VWF: variants seen among roughly 807,000 people sequenced by gnomAD.
The protein encoded by VWF is von Willebrand factor.
A neutral mutation model predicts 308.6 loss-of-function variants in VWF; 176 were observed. The ratio of observed to expected loss-of-function variants is 0.57; its 90% confidence interval spans 0.50 to 0.65. The LOEUF is 0.65. Ranked by LOEUF, VWF falls within the 30% of genes least tolerant of loss-of-function variation. VWF has a pLI of 0.00. For missense variants in VWF, 3,146 were observed against 3,648.2 expected (o/e 0.86, Z 3.55); for synonymous variants, 1,385 against 1,443.4 (o/e 0.96, Z 0.92).
At chr12:6,085,899 T>A (rs1944965743) in intron 6 of VWF, among the ~76,000 whole-genome samples, 2 of 152,056 alleles carry the variant, frequency 1.3e-5, no homozygotes, top group Non-Finnish European at 2.9e-5. Flanking sequence ...AAGTAAAATT[T>A]TAAAAAAAAA....
intron 25 of VWF, among the ~76,000 whole-genome samples, 163 bp from the exon 26 acceptor site, chr12:6,023,061 C>T (rs1313812236): frequency 1.3e-5 from 2 of 151,012 alleles, no homozygotes; most frequent in Admixed American, 1.3e-4. Context: ...GCACCTAAAC[C>T]AGAATCTATT....
rs940606021 is a variant in VWF, at chr12:6,063,258, C to A, written c.1433-204G>T. 1.3e-5 allele frequency among the ~76,000 whole-genome samples: 2 copies of A among 152,064 alleles called. No homozygotes were observed. Among genetic ancestry groups the A allele is most frequent in the Non-Finnish European group, 2.9e-5 (2 of 68,018 alleles). ...AGGTGGACAGAGCGCAAATAGGGTC[C>A]CCCAGGAAGAAGCCTCTGCACCCCC... On this transcript the variant is annotated intron_variant, in intron 12 of 51. Coordinates refer to ENST00000261405, the MANE Select transcript of VWF (RefSeq NM_000552.5). The surrounding 1 kb of genome is among the most constrained non-coding windows in gnomAD (Gnocchi z 4.9).
At chr12:6,012,357 A>G (rs1340071118) in intron 32 of VWF, among the ~76,000 whole-genome samples, 2 of 152,244 alleles carry the variant, frequency 1.3e-5, no homozygotes, top group African/African-American at 2.4e-5. Context: ...TGCCAACAAC[A>G]GCGATAATAT....
intron 6 of VWF, among the ~76,000 whole-genome samples, chr12:6,077,208 G>T (rs1944854433): frequency 6.6e-6 from 1 of 152,248 alleles, no homozygotes; most frequent in South Asian, 2.1e-4. Flanking sequence ...TACTCGGGAG[G>T]CTGGGGCAAG....
chr12:6,052,442 G>T, intron 16 of VWF, 101 bp downstream of exon 16: 1 of 1,571,494 alleles, frequency 6.4e-7, no homozygotes, highest in Non-Finnish European at 8.7e-7. Context: ...TCCTTCCTTG[G>T]GCCCCAGTTT....
chr12:6,087,134 A>G (rs11064019), intron 6 of VWF, among the ~76,000 whole-genome samples: 25,994 of 152,046 alleles, frequency 0.17, 2,643 homozygotes, highest in East Asian at 0.45. Context: ...AGTGACTGAC[A>G]GGACTGCAAT....
intron 6 of VWF, among the ~76,000 whole-genome samples, chr12:6,092,616 AGAGTGTGTGTGTGTGTGTGTGTGT>A (rs1325692527): frequency 1.0e-5 from 1 of 96,622 alleles, no homozygotes; most frequent in East Asian, 2.4e-4. Flanking sequence ...TGAGTGAGTG[AGAGTGTGTGTGTGTGTGTGTGTGT>A]GTGTGTGTGT....
At position 6,056,958 on chromosome 12, in the gene VWF, C is replaced by A; in HGVS notation, c.1844G>T (p.Cys615Phe). ...GCACAGGCACTCGCGGCCGTCCGAG[C>A]AGGAGCACACGTCGTAGCGGCAGTT... ...LRNCRYDVCS[C>F]SDGRECLCGA... is the part of the protein sequence containing the mutation. Residue 615 changes from cysteine (C) to phenylalanine (F), a missense_variant, in exon 15 of 52, where the codon TGC becomes TTC. This residue lies in a region of VWF where 1,304 missense variants were observed against 1,353.0 expected (regional missense o/e 0.96). Coordinates refer to ENST00000261405, the MANE Select transcript of VWF (RefSeq NM_000552.5). 6.5e-7 allele frequency: 1 copy of A among 1,539,594 alleles called. No homozygotes were observed.
intron 5 of VWF, among the ~76,000 whole-genome samples, chr12:6,097,472 A>C (rs769073314): frequency 7.2e-5 from 11 of 152,050 alleles, no homozygotes; most frequent in Non-Finnish European, 1.2e-4. Flanking sequence ...CAAAACAAAA[A>C]AAGACATGGG....
chr12:6,031,543 G>T lies in VWF; in HGVS notation c.2721C>A (p.Ile907=), dbSNP rs1944263184. The change falls in exon 21 of 52, where the codon ATC becomes ATA. Residue 907 remains isoleucine (I), a synonymous_variant. Transcript: ENST00000261405. ...GGCTGCATCCCTTATTCCCCACTAG[G>T]ATCCGAAAGGTCCCAGGGTTACTGC... is the stretch of plus-strand genomic sequence containing the variant. The part of the protein sequence containing the change: ...YCGSNPGTFR[I]LVGNKGCSHP... 1 of 1,614,088 alleles carries T rather than the reference G, an allele frequency of 6.2e-7. No homozygotes were observed. Among genetic ancestry groups the T allele is most frequent in the Non-Finnish European group, 8.5e-7 (1 of 1,180,010 alleles).
At chr12:6,068,557 T>C (rs1485600614) in intron 10 of VWF, among the ~76,000 whole-genome samples, 1 of 152,030 alleles carries the variant, frequency 6.6e-6, no homozygotes, top group African/African-American at 2.4e-5. Context: ...GAAGACTCTA[T>C]CTCCGGGGCT....
Position 6,073,753 on chromosome 12 carries a change from C to T in VWF, c.875-12G>A. ...AGGGCACACTGGGCCTGAAAAGGAA[C>T]ATCAAAGGGGTCTACCCAGGGCAGG... On this transcript the variant is annotated splice_polypyrimidine_tract_variant and intron_variant, in intron 7 of 51. Coordinates refer to ENST00000261405, the MANE Select transcript of VWF (RefSeq NM_000552.5). The T allele has an allele frequency of 6.2e-7, 1 of 1,613,842 alleles. No individual in the cohort carries two copies. Among genetic ancestry groups the T allele is most frequent in the Non-Finnish European group, 8.5e-7 (1 of 1,179,974 alleles).
At chr12:5,994,232 T>A (rs200698422) in intron 36 of VWF, 29 bp from the exon 37 acceptor site, 15 of 1,612,540 alleles carry the variant, frequency 9.3e-6, no homozygotes, top group Non-Finnish European at 1.3e-5. Flanking sequence ...AAAAAAAAGA[T>A]AAACTGAGTG....
chr12:5,964,011 T>TC (rs1943349456), intron 47 of VWF, among the ~76,000 whole-genome samples: 1 of 151,336 alleles, frequency 6.6e-6, no homozygotes, highest in Non-Finnish European at 1.5e-5. Flanking sequence ...ATTGAGACCA[T>TC]TCTGGTTAAC....
Position 6,034,709 on chromosome 12 carries a change from C to A in VWF, c.2664G>T (p.Glu888Asp). 6.2e-7 allele frequency: 1 copy of A among 1,614,146 alleles called. No homozygotes were observed. The highest frequency in any genetic ancestry group is 8.5e-7 in the Non-Finnish European group (1 of 1,180,004). Reference sequence around the variant, plus strand: ...TCACCTGCACCAGAACGTACTGGCACTCCCCGGGGAACAGGTATTTGAGCC... The same window carrying A: ...TCACCTGCACCAGAACGTACTGGCAATCCCCGGGGAACAGGTATTTGAGCC... The part of the protein sequence containing the change: ...FDGLKYLFPG[E>D]CQYVLVQDYC... Residue 888 changes from glutamate (E) to aspartate (D), a missense_variant, in exon 20 of 52, where the codon GAG becomes GAT. Glu to Asp is a conservative substitution (Grantham distance 45). Around this residue, in one of 3 missense-constraint regions of VWF, gnomAD observed 1,304 missense variants for 1,353.0 expected, o/e 0.96. Transcript: ENST00000261405.
intron 34 of VWF, among the ~76,000 whole-genome samples, chr12:6,000,494 C>T (rs1943858746): frequency 6.6e-6 from 1 of 152,118 alleles, no homozygotes; most frequent in African/African-American, 2.4e-5. Flanking sequence ...GAATTCTGTA[C>T]ACATAAGCCC....
At chr12:6,066,911 G>A (rs1166947558) in intron 10 of VWF, among the ~76,000 whole-genome samples, 2 of 152,258 alleles carry the variant, frequency 1.3e-5, no homozygotes, top group African/African-American at 4.8e-5. Flanking sequence ...GCAGGATTAA[G>A]GATGAGGTGC....
intron 38 of VWF, among the ~76,000 whole-genome samples, chr12:5,990,727 C>T (rs1323190446): frequency 6.6e-6 from 1 of 152,006 alleles, no homozygotes. Flanking sequence ...TACACGTTCA[C>T]ATGTGCACAG....
chr12:5,989,900 T>C (rs1221911110), intron 38 of VWF, among the ~76,000 whole-genome samples: 1 of 152,218 alleles, frequency 6.6e-6, no homozygotes, highest in Admixed American at 6.5e-5. Flanking sequence ...GGTCTGAAAT[T>C]ACCACAGGTT....
Sources: allele counts gnomAD v4.1 joint callset (sites outside exome capture counted in the v4.1 genomes callset), GRCh38; gene constraint gnomAD v4.1.1; regional missense constraint gnomAD v4.1.1; non-coding constraint Gnocchi (gnomAD v3.1); transcripts MANE v1.5; gene names NCBI Gene and HGNC (gene_info 2026-07-23, HGNC 2026-07-21).